The following CHD4 variants were observed in gnomAD, a reference collection of about 807,000 sequenced individuals.
CHD4 encodes the protein ATP-dependent chromatin remodeler CHD4.
A neutral mutation model predicts 235.5 loss-of-function variants in CHD4; 35 were observed. The observed-to-expected ratio is 0.15, with a 90% confidence interval of 0.11 to 0.20. The LOEUF is 0.20. Among genes scored for constraint, CHD4 ranks in the 10% least tolerant of loss-of-function variants. The pLI is 1.00. For synonymous variants in CHD4, 900 were observed against 850.2 expected (o/e 1.06, Z -1.02); for missense variants, 1,329 against 2,432.3 (o/e 0.55, Z 9.54).
chr12:6,605,346 G>A (rs1184747397), intron 2 of CHD4, among the ~76,000 whole-genome samples: 1 of 152,146 alleles, frequency 6.6e-6, no homozygotes, highest in Non-Finnish European at 1.5e-5. Flanking sequence ...CACAGCTAGG[G>A]GCTCTGAAAA....
At chr12:6,596,731 C>T (rs1219281685) in intron 12 of CHD4, among the ~76,000 whole-genome samples, 1 of 151,736 alleles carries the variant, frequency 6.6e-6, no homozygotes, top group African/African-American at 2.4e-5. Flanking sequence ...ACCCGGGCGG[C>T]GGAGGTTGCA....
At chr12:6,590,037 A>G (rs2136211559) in intron 22 of CHD4, 1 of 152,230 alleles carries the variant, frequency 6.6e-6, no homozygotes, top group Admixed American at 6.5e-5. Context: ...TGTCTCTACT[A>G]AAAATACAAA....
chr12:6,584,712 C>G (rs900001213), intron 25 of CHD4: 1 of 152,108 alleles, frequency 6.6e-6, no homozygotes, highest in African/African-American at 2.4e-5. Context: ...TATGTAAATT[C>G]TATCTATTAA....
At chr12:6,601,599 G>A in intron 5 of CHD4, 49 bp downstream of exon 5, 1 of 1,613,336 alleles carries the variant, frequency 6.2e-7, no homozygotes, top group Non-Finnish European at 8.5e-7. Flanking sequence ...AGTAAGAAGA[G>A]AGAACAGAAA....
At position 6,581,517 on chromosome 12, in the gene CHD4, G is replaced by A. The variant is rs139854365; in HGVS notation, c.4682-129C>T. 3.9e-5 allele frequency: 59 copies of A among 1,511,226 alleles called. No homozygotes were observed. The East Asian group carries it at 1.2e-3, about 30-fold the overall frequency. 93.6% of individuals were successfully genotyped at this position (1,511,226 alleles called of 1,614,324 possible). A position where few individuals can be genotyped will look rare whatever the true frequency, so the allele number is the denominator to read the frequency against. On this transcript the variant is annotated intron_variant, in intron 31 of 39. Transcript: ENST00000544040. ...TAAGAGCCAGCCCTATTCTTAGGAC[G>A]GCCCTCCTAAACTGAGAGGGAATTG...
At chr12:6,571,253 T>C in intron 38 of CHD4, 1 of 530,700 alleles carries the variant, frequency 1.9e-6, no homozygotes, top group Non-Finnish European at 3.3e-6. Flanking sequence ...AAACCTTCAC[T>C]ATCCCTTACT....
At chr12:6,582,358 A>T (rs1366285355) in intron 29 of CHD4, 77 bp from the exon 30 acceptor site, 9 of 1,479,062 alleles carry the variant, frequency 6.1e-6, no homozygotes, top group Non-Finnish European at 8.2e-6. Flanking sequence ...TTCGTGAGGC[A>T]TTATCACAGG....
At chr12:6,606,559 G>GA (rs1948704655) in intron 1 of CHD4, 108 bp from the exon 2 acceptor site, 1 of 496,666 alleles carries the variant, frequency 2.0e-6, no homozygotes, top group Non-Finnish European at 3.5e-6. Context: ...CCCTAGCAGG[G>GA]CACCCGAACC....
intron 12 of CHD4, 138 bp downstream of exon 12, chr12:6,597,756 C>A (rs185779196): frequency 1.7e-5 from 13 of 757,214 alleles, no homozygotes; most frequent in Admixed American, 2.4e-5. Flanking sequence ...CAGAGTGAGA[C>A]TCTGTCTCAA....
chr12:6,592,568 T>TTCA lies in CHD4; in HGVS notation c.2775-5_2775-3dup. ...TCCTCCAAAAAACCTTCCAAATTGC[T>TTCA]TCAGAAAGAAAAAGGAAAAAAGTTA... On this transcript the variant is annotated splice_polypyrimidine_tract_variant and splice_region_variant and intron_variant, in intron 18 of 39. Coordinates refer to ENST00000544040, the MANE Select transcript of CHD4 (RefSeq NM_001273.5). The TTCA allele has an allele frequency of 6.3e-7, 1 of 1,580,672 alleles. No homozygotes were observed. The highest frequency in any genetic ancestry group is 8.6e-7 in the Non-Finnish European group (1 of 1,160,230).
Position 6,583,081 on chromosome 12 carries a change from C to T in CHD4, c.4093G>A (p.Asp1365Asn), listed in dbSNP as rs768178662. The stretch of plus-strand genomic sequence containing the variant: ...CCTTCCTCTGAAGCCACTGAGTAAT[C>T]GGACTGGTTGTCGGACTGGTCGTCC... ...WQDDQSDNQS[D>N]YSVASEEGDE... The change falls in exon 27 of 40, where the codon GAT (aspartate) becomes AAT (asparagine). Residue 1365 changes from aspartate to asparagine, a missense_variant. Coordinates refer to ENST00000544040, the MANE Select transcript of CHD4 (RefSeq NM_001273.5). The T allele has an allele frequency of 3.8e-6, 6 of 1,579,680 alleles. No individual in the cohort carries two copies. The highest frequency in any genetic ancestry group is 4.3e-6 in the Non-Finnish European group (5 of 1,163,104).
At position 6,600,373 on chromosome 12, in the gene CHD4, C is replaced by T. The variant is rs936266437; in HGVS notation, c.1086G>A (p.Val362=). The change falls in exon 9 of 40, where the codon GTG becomes GTA. Residue 362 remains valine (V), a synonymous_variant. Transcript: ENST00000544040. ...CCTGGTGGTCTGTCTCATAACCATCCACAGCAGTCACCTCCTCCTCGCCTG... is the reference window on the plus strand; with the variant it reads ...CCTGGTGGTCTGTCTCATAACCATCTACAGCAGTCACCTCCTCCTCGCCTG... ...KKKGEEEVTA[V]DGYETDHQDY... 6.2e-7 allele frequency: 1 copy of T among 1,614,070 alleles called. No individual in the cohort carries two copies. Among genetic ancestry groups the T allele is most frequent in the East Asian group, 2.2e-5 (1 of 44,876 alleles).
chr12:6,597,300 T>A (rs558140608), intron 12 of CHD4, among the ~76,000 whole-genome samples: 1 of 149,570 alleles, frequency 6.7e-6, no homozygotes, highest in South Asian at 2.2e-4. Context: ...AATAAATAAA[T>A]AAAGATAATA....
At chr12:6,572,922 A>G in intron 38 of CHD4, 152 bp downstream of exon 38, 1 of 706,442 alleles carries the variant, frequency 1.4e-6, no homozygotes, top group Non-Finnish European at 2.3e-6. Context: ...TGCCTCTAAG[A>G]TACTAACCTC....
At position 6,582,755 on chromosome 12, in the gene CHD4, G is replaced by A. The variant is rs755025675; in HGVS notation, c.4237-7C>T. ...GAGCATTAAAACCAAGTACCTAGGG[G>A]AAGAAGAAACCCAGGTGAGAGGCAG... On this transcript the variant is annotated splice_region_variant and splice_polypyrimidine_tract_variant and intron_variant, in intron 28 of 39. Coordinates refer to ENST00000544040, the MANE Select transcript of CHD4 (RefSeq NM_001273.5). 6.2e-6 allele frequency: 10 copies of A among 1,614,002 alleles called. No homozygotes were observed. Among genetic ancestry groups the A allele is most frequent in the Non-Finnish European group, 5.9e-6 (7 of 1,180,042 alleles).
At chr12:6,583,799 C>T (rs1214100216) in intron 25 of CHD4, 1 of 157,498 alleles carries the variant, frequency 6.3e-6, no homozygotes, top group Non-Finnish European at 1.4e-5. Context: ...ATAAGCCTTT[C>T]TATTCTTCAT....
At chr12:6,573,784 G>A (rs190683812) in intron 37 of CHD4, among the ~76,000 whole-genome samples, 1 of 152,132 alleles carries the variant, frequency 6.6e-6, no homozygotes, top group East Asian at 1.9e-4. Context: ...AGCACTTTGG[G>A]AGGCTGAGGC....
At chr12:6,581,618 G>A (rs1443286562) in intron 31 of CHD4, 31 bp downstream of exon 31, 4 of 1,614,020 alleles carry the variant, frequency 2.5e-6, no homozygotes, top group South Asian at 1.1e-5. Context: ...AAAAAGAGAG[G>A]GACAGAAAAT....
At position 6,581,555 on chromosome 12, in the gene CHD4, C is replaced by G. The variant is rs769045295; in HGVS notation, c.4681+94G>C. 4.4e-6 allele frequency: 7 copies of G among 1,581,734 alleles called. No individual in the cohort carries two copies. In the African/African-American group the frequency reaches 8.1e-5, roughly 18 times the overall value. ...TGAGAGGGAATTGCTGTGTGTCCTG[C>G]CAGACTACCCTGTTAGAACTGAGCA... On this transcript the variant is annotated intron_variant, in intron 31 of 39. Coordinates refer to ENST00000544040, the MANE Select transcript of CHD4 (RefSeq NM_001273.5).
Sources: allele counts gnomAD v4.1 joint callset (sites outside exome capture counted in the v4.1 genomes callset), GRCh38; gene constraint gnomAD v4.1.1; transcripts MANE v1.5; gene names NCBI Gene and HGNC (gene_info 2026-07-23, HGNC 2026-07-21).